CERS6: variants seen among roughly 807,000 people sequenced by gnomAD.
CERS6 encodes ceramide synthase 6.
In CERS6, 26 loss-of-function variants were observed where a neutral mutation model predicts 56.8. That is an observed-to-expected ratio of 0.46 (90% CI 0.34 to 0.63). CERS6 has a LOEUF of 0.63. Ranked by LOEUF, CERS6 falls within the 30% of genes least tolerant of loss-of-function variation. CERS6 has a pLI of 0.01. For missense variants in CERS6, 415 were observed against 467.5 expected (o/e 0.89, Z 1.04); for synonymous variants, 164 against 173.3 (o/e 0.95, Z 0.42).
intron 4 of CERS6, among the ~76,000 whole-genome samples, chr2:168,669,909 A>G (rs1223692184): frequency 1.3e-5 from 2 of 152,246 alleles, no homozygotes; most frequent in Non-Finnish European, 2.9e-5. Context: ...CACACTGGTC[A>G]AACATATTGA....
intron 6 of CERS6, among the ~76,000 whole-genome samples, chr2:168,712,908 T>C (rs1254832101): frequency 6.6e-6 from 1 of 152,202 alleles, no homozygotes; most frequent in Non-Finnish European, 1.5e-5. Context: ...GTCTAGCCCC[T>C]CTGTGTACTA....
chr2:168,541,175 G>T (rs1284552745), intron 1 of CERS6, among the ~76,000 whole-genome samples: 2 of 152,090 alleles, frequency 1.3e-5, no homozygotes, highest in East Asian at 3.9e-4. Context: ...ACCCACCCCT[G>T]AGGGACAGCG....
At chr2:168,511,225 T>G (rs978335523) in intron 1 of CERS6, among the ~76,000 whole-genome samples, 19 of 152,228 alleles carry the variant, frequency 1.2e-4, no homozygotes, top group Admixed American at 9.8e-4. Flanking sequence ...CATGATTTAA[T>G]TCTACATTTT....
chr2:168,602,170 T>G (rs1161080886), intron 3 of CERS6, among the ~76,000 whole-genome samples: 1 of 152,242 alleles, frequency 6.6e-6, no homozygotes, highest in African/African-American at 2.4e-5. Context: ...TGGCCGATTC[T>G]TTTTTCTCTT....
At chr2:168,684,859 C>G (rs560597475) in intron 4 of CERS6, among the ~76,000 whole-genome samples, 19 of 152,282 alleles carry the variant, frequency 1.2e-4, no homozygotes, top group African/African-American at 4.6e-4. Flanking sequence ...GGAACTTAGA[C>G]ATTGGACTTA....
chr2:168,526,723 G>A (rs1695078300), intron 1 of CERS6, among the ~76,000 whole-genome samples: 1 of 152,236 alleles, frequency 6.6e-6, no homozygotes, highest in African/African-American at 2.4e-5. Flanking sequence ...AATACAAACA[G>A]TAAATTGTTT....
chr2:168,581,522 A>G (rs907178754), intron 3 of CERS6, among the ~76,000 whole-genome samples: 1 of 152,154 alleles, frequency 6.6e-6, no homozygotes, highest in African/African-American at 2.4e-5. Flanking sequence ...GTCATCTGAC[A>G]TATCTTTCAA....
rs397872513 is a variant in CERS6 at position 168,728,387 on chromosome 2, C to CTT, written c.845+10428_845+10429dup. Among the ~76,000 whole-genome samples the CTT allele has an allele frequency of 1.1e-3, 109 of 97,548 alleles. 2 individuals are homozygous for CTT. Among genetic ancestry groups the CTT allele is most frequent in the Middle Eastern group, 6.3e-3 (1 of 158 alleles). The allele number at this position is 97,548 out of a possible 152,430, so 64.0% of individuals were successfully genotyped here. A position where few individuals can be genotyped will look rare whatever the true frequency, so the allele number is the denominator to read the frequency against. On this transcript the variant is annotated intron_variant, in intron 8 of 9. Transcript: ENST00000305747. ...AGGGGAAAAAAAAAATGCAACTACT[C>CTT]TTTTTTTTTTTTTTTTTTTTGAGAT...
rs145911623 is a variant in CERS6, at chr2:168,700,849, T to A, written c.609+5798T>A. Among the ~76,000 whole-genome samples, 1,035 of 152,338 alleles carry A rather than the reference T, an allele frequency of 6.8e-3. 11 individuals carry two copies. The highest frequency in any genetic ancestry group is 0.023 in the African/African-American group (941 of 41,576). ...AGAGTGCCTGGCACATCATAAATGC[T>A]CAATAAATGTAGCCTTTCCTTGTAG... On this transcript the variant is annotated intron_variant, in intron 6 of 9. Coordinates refer to ENST00000305747, the MANE Select transcript of CERS6 (RefSeq NM_203463.3).
intron 1 of CERS6, among the ~76,000 whole-genome samples, chr2:168,501,657 T>C (rs147845672): frequency 8.1e-4 from 123 of 152,334 alleles, no homozygotes; most frequent in Middle Eastern, 3.4e-3. Flanking sequence ...CAGGACAAAA[T>C]TAAAAGTTTT....
intron 1 of CERS6, among the ~76,000 whole-genome samples, chr2:168,522,239 G>A (rs1457440859): frequency 6.6e-6 from 1 of 152,156 alleles, no homozygotes; most frequent in African/African-American, 2.4e-5. Context: ...AGGCACAGGT[G>A]GTAGAGAACT....
At chr2:168,680,343 G>T (rs564404713) in intron 4 of CERS6, among the ~76,000 whole-genome samples, 1 of 152,192 alleles carries the variant, frequency 6.6e-6, no homozygotes, top group Admixed American at 6.5e-5. Flanking sequence ...TAGGGAGGAG[G>T]CATTTGAACT....
intron 6 of CERS6, among the ~76,000 whole-genome samples, chr2:168,706,634 A>C (rs1382753048): frequency 1.3e-5 from 2 of 152,202 alleles, no homozygotes; most frequent in African/African-American, 2.4e-5. Context: ...CTTTCTTTAT[A>C]GTTTATCTGA....
At chr2:168,683,619 C>T (rs1249918996) in intron 4 of CERS6, among the ~76,000 whole-genome samples, 2 of 152,168 alleles carry the variant, frequency 1.3e-5, no homozygotes, top group African/African-American at 4.8e-5. Flanking sequence ...CCGTTTCCCT[C>T]CCTCTAGGTC....
intron 4 of CERS6, among the ~76,000 whole-genome samples, chr2:168,642,203 C>A (rs576663568): frequency 6.6e-6 from 1 of 152,142 alleles, no homozygotes; most frequent in Admixed American, 6.5e-5. Context: ...AAAACGCCGT[C>A]TCTACAAAAA....
intron 6 of CERS6, among the ~76,000 whole-genome samples, chr2:168,696,955 TC>T (rs1686664299): frequency 1.3e-5 from 2 of 152,290 alleles, no homozygotes; most frequent in African/African-American, 4.8e-5. Flanking sequence ...CAAAATCAGT[TC>T]CTTTACATTA....
chr2:168,763,130 C>T (rs13023879), intron 8 of CERS6, among the ~76,000 whole-genome samples: 42,413 of 151,910 alleles, frequency 0.28, 7,347 homozygotes, highest in South Asian at 0.43. Context: ...CCTACCTCAG[C>T]CCCCCCAAAG....
rs543134943 is a variant in CERS6, at chr2:168,773,438, C to T, written c.*3776C>T. 2.6e-5 allele frequency: 4 copies of T among 152,262 alleles called. No individual in the cohort carries two copies. Among genetic ancestry groups the T allele is most frequent in the African/African-American group, 9.6e-5 (4 of 41,544 alleles). The allele number at this position is 152,262 out of a possible 1,614,324, so 9.4% of individuals were successfully genotyped here. A position where few individuals can be genotyped will look rare whatever the true frequency, so the allele number is the denominator to read the frequency against. Reference sequence around the variant, plus strand: ...GCTTACTTTTTTCCTTTGTCTTTGGCTGATTTCTGCTTTGTAGATAAATAA... The same window carrying T: ...GCTTACTTTTTTCCTTTGTCTTTGGTTGATTTCTGCTTTGTAGATAAATAA... On this transcript the variant is annotated 3_prime_UTR_variant, in exon 10 of 10. Transcript: ENST00000305747.
At chr2:168,730,345 T>C (rs1375252102) in intron 8 of CERS6, among the ~76,000 whole-genome samples, 2 of 152,160 alleles carry the variant, frequency 1.3e-5, no homozygotes, top group East Asian at 1.9e-4. Flanking sequence ...ACAAAACAAG[T>C]AGGTCTACTA....
Sources: allele counts gnomAD v4.1 joint callset (sites outside exome capture counted in the v4.1 genomes callset), GRCh38; gene constraint gnomAD v4.1.1; transcripts MANE v1.5; gene names NCBI Gene and HGNC (gene_info 2026-07-23, HGNC 2026-07-21).